LETM1: variants seen among roughly 807,000 people sequenced by gnomAD.
LETM1 encodes mitochondrial proton/calcium exchanger protein.
Under a neutral mutation model 74.5 loss-of-function variants are expected in LETM1, and 50 were observed. That is an observed-to-expected ratio of 0.67 (90% CI 0.53 to 0.85). The LOEUF (loss-of-function observed/expected upper bound fraction) is 0.85. Ranked by LOEUF, LETM1 falls within the 40% of genes least tolerant of loss-of-function variation. The pLI is 0.00. For missense variants in LETM1, 824 were observed against 967.8 expected (o/e 0.85, Z 1.97); for synonymous variants, 446 against 407.1 (o/e 1.10, Z -1.15).
rs545745702 is a variant in LETM1, at chr4:1,850,437, G to T, written c.83-1228C>A. Among the ~76,000 whole-genome samples, 4 of 152,236 alleles carry T rather than the reference G, an allele frequency of 2.6e-5. No homozygotes were observed. The East Asian group carries it at 7.7e-4, about 29-fold the overall frequency. ...CCCACTCACTTCAGCTGGCTCTGGTGGAAACATGACCTCTATGCAGACAGC... is the reference window on the plus strand; with the variant it reads ...CCCACTCACTTCAGCTGGCTCTGGTTGAAACATGACCTCTATGCAGACAGC... On this transcript the variant is annotated intron_variant, in intron 1 of 13. Transcript: ENST00000302787.
chr4:1,828,788 G>A (rs1248030912), intron 6 of LETM1, among the ~76,000 whole-genome samples: 2 of 143,382 alleles, frequency 1.4e-5, no homozygotes, highest in African/African-American at 2.6e-5. Context: ...CCCCCCGGAC[G>A]GGGCGGCTGG....
At chr4:1,828,371 G>C (rs1215318784) in intron 6 of LETM1, among the ~76,000 whole-genome samples, 1 of 94,364 alleles carries the variant, frequency 1.1e-5, no homozygotes, top group Non-Finnish European at 2.2e-5. Context: ...CTGGCCGGGC[G>C]GGGGGCTGAC....
chr4:1,841,563 G>T lies in LETM1; in HGVS notation c.378C>A (p.Ser126=). 1 of 1,614,236 alleles carries T rather than the reference G, an allele frequency of 6.2e-7. No individual in the cohort carries two copies. The highest frequency in any genetic ancestry group is 8.5e-7 in the Non-Finnish European group (1 of 1,180,056). ...DDSVVEKSLK[S]LKDKNKKLEE... is the part of the protein sequence containing the mutation. The stretch of plus-strand genomic sequence containing the variant: ...CCAGCTTCTTGTTCTTGTCCTTCAA[G>T]GACTTGAGGGACTTCTCTACTACCG... The change falls in exon 3 of 14, where the codon TCC becomes TCA. Residue 126 remains serine (S), a synonymous_variant. Transcript: ENST00000302787.
At chr4:1,816,964 G>A in intron 11 of LETM1, 50 bp from the exon 12 acceptor site, 13 of 1,518,912 alleles carry the variant, frequency 8.6e-6, no homozygotes, top group Admixed American at 1.7e-5. Flanking sequence ...AGAAAAAGGG[G>A]GTCAGGTGTA....
chr4:1,822,876 G>T, intron 9 of LETM1, 112 bp downstream of exon 9: 1 of 1,072,840 alleles, frequency 9.3e-7, no homozygotes, highest in Non-Finnish European at 1.2e-6. Flanking sequence ...AAACATGCAG[G>T]ACAGAGCTGC....
At chr4:1,850,937 C>CA (rs562023023) in intron 1 of LETM1, among the ~76,000 whole-genome samples, 5,945 of 79,910 alleles carry the variant, frequency 0.074, 244 homozygotes, top group African/African-American at 0.15. Context: ...CCATTGCACT[C>CA]AAAAAAAAAA....
chr4:1,845,671 C>A (rs543651574), intron 2 of LETM1, among the ~76,000 whole-genome samples: 60 of 151,782 alleles, frequency 4.0e-4, no homozygotes, highest in African/African-American at 1.3e-3. Context: ...CCTCAGCCAC[C>A]AAGTAGCTGG....
chr4:1,822,650 C>G (rs1480333288), intron 9 of LETM1: 2 of 343,920 alleles, frequency 5.8e-6, no homozygotes, highest in Admixed American at 4.8e-5. Context: ...TGAAGAGGAG[C>G]CCAGAGGCTG....
intron 5 of LETM1, 167 bp from the exon 6 acceptor site, chr4:1,833,114 C>T (rs1712338807): frequency 3.2e-6 from 2 of 623,852 alleles, no homozygotes; most frequent in South Asian, 3.9e-5. Flanking sequence ...CTCTGTTACC[C>T]AGGCTGGAAT....
At position 1,834,988 on chromosome 4, in the gene LETM1, A is replaced by C. The variant is rs1255975956; in HGVS notation, c.739-6T>G. ...TCCTTCTTCAGCCTCTCCTCCTGCA[A>C]GGGCAGAGAGGGCACTGCATTCCAA... is the stretch of plus-strand genomic sequence containing the variant. On this transcript the variant is annotated splice_polypyrimidine_tract_variant and splice_region_variant and intron_variant, in intron 4 of 13. Coordinates refer to ENST00000302787, the MANE Select transcript of LETM1 (RefSeq NM_012318.3). The surrounding 1 kb of genome is among the most constrained non-coding windows in gnomAD (Gnocchi z 5.0). 8 of 1,613,086 alleles carry C rather than the reference A, an allele frequency of 5.0e-6. No individual in the cohort carries two copies. Among genetic ancestry groups the C allele is most frequent in the Middle Eastern group, 1.6e-4 (1 of 6,080 alleles).
Position 1,819,356 on chromosome 4 carries a change from A to T in LETM1, c.1725T>A (p.Asp575Glu). ...EKEELELLKE[D>E]VQDYSEDLQE... ...CACCCACCTCGCTGTAGTCCTGCACATCCTCCTTCAGCAGCTCCAGCTCCT... is the reference window on the plus strand; with the variant it reads ...CACCCACCTCGCTGTAGTCCTGCACTTCCTCCTTCAGCAGCTCCAGCTCCT... Residue 575 changes from aspartate (D) to glutamate (E), a missense_variant, in exon 11 of 14, where the codon GAT becomes GAA. Around this residue, in one of 4 missense-constraint regions of LETM1, gnomAD observed 161 missense variants for 252.7 expected, o/e 0.64. Coordinates refer to ENST00000302787, the MANE Select transcript of LETM1 (RefSeq NM_012318.3). 2 of 1,612,740 alleles carry T rather than the reference A, an allele frequency of 1.2e-6. No individual in the cohort carries two copies. The highest frequency in any genetic ancestry group is 1.1e-5 in the South Asian group (1 of 90,884).
At chr4:1,846,093 G>A (rs1283673472) in intron 2 of LETM1, among the ~76,000 whole-genome samples, 2 of 152,044 alleles carry the variant, frequency 1.3e-5, no homozygotes, top group Non-Finnish European at 2.9e-5. Context: ...CTGGCCTCAA[G>A]TGATCTGCCC....
At chr4:1,849,336 C>G in intron 1 of LETM1, 127 bp from the exon 2 acceptor site, 1 of 664,918 alleles carries the variant, frequency 1.5e-6, no homozygotes, top group South Asian at 1.6e-5. Context: ...GTGATCTCGG[C>G]TCACTGCAAC....
At position 1,814,369 on chromosome 4, in the gene LETM1, C is replaced by T. The variant is rs957136736; in HGVS notation, c.*55G>A. On this transcript the variant is annotated 3_prime_UTR_variant, in exon 14 of 14. Coordinates refer to ENST00000302787, the MANE Select transcript of LETM1 (RefSeq NM_012318.3). ...AATCACCACAAAGCAATCGCCCTCA[C>T]GGCCCTTGCCAGGGTGACGGCACAG... 8.1e-6 allele frequency: 13 copies of T among 1,611,782 alleles called. No individual in the cohort carries two copies. Among genetic ancestry groups the T allele is most frequent in the Admixed American group, 3.3e-5 (2 of 59,980 alleles).
At chr4:1,821,446 T>A (rs1270721425) in intron 10 of LETM1, among the ~76,000 whole-genome samples, 1 of 150,852 alleles carries the variant, frequency 6.6e-6, no homozygotes, top group Non-Finnish European at 1.5e-5. Flanking sequence ...CCTAGCACTT[T>A]GGGAGGCTGA....
At chr4:1,828,224 G>T (rs865855094) in intron 6 of LETM1, among the ~76,000 whole-genome samples, 9 of 137,508 alleles carry the variant, frequency 6.5e-5, no homozygotes, top group African/African-American at 1.6e-4. Flanking sequence ...GGGCGGGGGG[G>T]GCTGACCGCC....
rs1374988294 is a variant in LETM1 at position 1,819,473 on chromosome 4, C to T, written c.1609-1G>A. ...TTTCCTCCTTCGTGATCTCTTCCTC[C>T]TGGGATAAAAATGGGCAAACAACAA... On this transcript the variant is annotated splice_acceptor_variant, in intron 10 of 13. Transcript: ENST00000302787. LOFTEE classifies it high-confidence loss of function. 1 of 1,610,432 alleles carries T rather than the reference C, an allele frequency of 6.2e-7. No homozygotes were observed. The highest frequency in any genetic ancestry group is 1.1e-5 in the South Asian group (1 of 90,436).
intron 6 of LETM1, among the ~76,000 whole-genome samples, chr4:1,827,395 G>A (rs2108841713): frequency 1.6e-5 from 2 of 124,526 alleles, no homozygotes; most frequent in African/African-American, 6.2e-5. Flanking sequence ...ATAAACAAGT[G>A]AACAAAGGTC....
chr4:1,820,765 T>C (rs1711747690), intron 10 of LETM1, among the ~76,000 whole-genome samples: 1 of 152,240 alleles, frequency 6.6e-6, no homozygotes, highest in East Asian at 1.9e-4. Flanking sequence ...GGCTCAAGCC[T>C]GTAAACCCAG....
Sources: allele counts gnomAD v4.1 joint callset (sites outside exome capture counted in the v4.1 genomes callset), GRCh38; gene constraint gnomAD v4.1.1; regional missense constraint gnomAD v4.1.1; non-coding constraint Gnocchi (gnomAD v3.1); transcripts MANE v1.5; gene names NCBI Gene and HGNC (gene_info 2026-07-23, HGNC 2026-07-21).